USP24: variants seen among roughly 807,000 people sequenced by gnomAD.
The protein encoded by USP24 is ubiquitin carboxyl-terminal hydrolase 24.
Under a neutral mutation model 361.6 loss-of-function variants are expected in USP24, and 97 were observed. That is an observed-to-expected ratio of 0.27 (90% CI 0.23 to 0.32). USP24 has a LOEUF of 0.32. USP24 is among the 10% of genes least tolerant of loss of function. The pLI, the probability that USP24 is intolerant of heterozygous loss-of-function variation, is 1.00. For missense variants in USP24, 2,353 were observed against 3,165.6 expected (o/e 0.74, Z 6.16); for synonymous variants, 1,098 against 1,124.6 (o/e 0.98, Z 0.47).
Position 55,124,615 on chromosome 1 carries a change from C to T in USP24, c.3974G>A (p.Ser1325Asn), listed in dbSNP as rs1236218960. ...GCAAGCCACAGTAGAAGTGAAATCA[C>T]TTACTTCCATTGTCTAAAGAATGGA... ...ARVAIQTMEV[S>N]DFTSTVACFM... The change falls in exon 35 of 68, where the codon AGT becomes AAT. Residue 1325 changes from serine (S) to asparagine (N), a missense_variant. This residue lies in a region of USP24 where 949 missense variants were observed against 1,280.5 expected (regional missense o/e 0.74). Coordinates refer to ENST00000294383, the MANE Select transcript of USP24 (RefSeq NM_015306.3). 3 of 1,613,798 alleles carry T rather than the reference C, an allele frequency of 1.9e-6. No individual in the cohort carries two copies. The highest frequency in any genetic ancestry group is 2.5e-6 in the Non-Finnish European group (3 of 1,179,876).
intron 8 of USP24, among the ~76,000 whole-genome samples, chr1:55,161,037 C>G (rs1359902836): frequency 6.6e-6 from 1 of 152,036 alleles, no homozygotes; most frequent in African/African-American, 2.4e-5. Flanking sequence ...AAAACTCTTG[C>G]AGGATTACCT....
At chr1:55,136,127 G>T (rs991308582) in intron 28 of USP24, among the ~76,000 whole-genome samples, 1 of 152,058 alleles carries the variant, frequency 6.6e-6, no homozygotes, top group Admixed American at 6.6e-5. Context: ...GAAATACAGG[G>T]GTAGGAAAGA....
chr1:55,126,521 A>G (rs891099551), intron 32 of USP24, among the ~76,000 whole-genome samples: 1 of 152,114 alleles, frequency 6.6e-6, no homozygotes, highest in Non-Finnish European at 1.5e-5. Flanking sequence ...GGTCTAATCT[A>G]CTCACTGCTC....
chr1:55,152,068 T>C, intron 16 of USP24: 1 of 803,868 alleles, frequency 1.2e-6, no homozygotes, highest in South Asian at 5.7e-5. Context: ...GGCTTTGATC[T>C]TCCCACTGCC....
At chr1:55,121,082 G>T (rs1646267292) in intron 37 of USP24, among the ~76,000 whole-genome samples, 1 of 152,228 alleles carries the variant, frequency 6.6e-6, no homozygotes, top group Non-Finnish European at 1.5e-5. Context: ...AATATCTAAT[G>T]AAAGTTTATG....
chr1:55,085,734 G>A (rs1424412133), intron 56 of USP24, among the ~76,000 whole-genome samples: 1 of 152,182 alleles, frequency 6.6e-6, no homozygotes, highest in Non-Finnish European at 1.5e-5. Flanking sequence ...AAGCAGGCCT[G>A]AATTCCTGGC....
chr1:55,097,047 CT>C lies in USP24; in HGVS notation c.5840del (p.Lys1947ArgfsTer48). On this transcript the variant is annotated frameshift_variant, in exon 49 of 68. Transcript: ENST00000294383. LOFTEE classifies it high-confidence loss of function. ...DQGGGGSPRK[K>X]VALTENYELV... ...GTTCATAGTTTTCTGTGAGGGCAAC[CT>C]TTTTTCGTGGGGATCCTCCACCGCC... is the stretch of plus-strand genomic sequence containing the variant. The C allele has an allele frequency of 6.2e-7, 1 of 1,613,882 alleles. No individual in the cohort carries two copies. The highest frequency in any genetic ancestry group is 8.5e-7 in the Non-Finnish European group (1 of 1,179,874).
At chr1:55,202,156 T>G (rs912397589) in intron 1 of USP24, among the ~76,000 whole-genome samples, 2 of 152,216 alleles carry the variant, frequency 1.3e-5, no homozygotes, top group Non-Finnish European at 2.9e-5. Flanking sequence ...TTTGTATTCA[T>G]TAAAATATAT....
rs776603131 is a variant in USP24, at chr1:55,068,106, TTA to T, written c.*937_*938del. 7.9e-5 allele frequency: 12 copies of T among 152,238 alleles called. No homozygotes were observed. Among genetic ancestry groups the T allele is most frequent in the Non-Finnish European group, 1.5e-4 (10 of 68,040 alleles). 9.4% of individuals were successfully genotyped at this position (152,238 alleles called of 1,614,324 possible). A position where few individuals can be genotyped will look rare whatever the true frequency, so the allele number is the denominator to read the frequency against. ...CAACCAATACCAAGGGTTTCAGTAA[TTA>T]TGTTTTAAGCAAAAGCAAACGATTG... On this transcript the variant is annotated 3_prime_UTR_variant, in exon 68 of 68. Transcript: ENST00000294383.
At chr1:55,142,092 T>C (rs1360834886) in intron 23 of USP24, among the ~76,000 whole-genome samples, 1 of 152,220 alleles carries the variant, frequency 6.6e-6, no homozygotes, top group Non-Finnish European at 1.5e-5. Context: ...CCGTACATAT[T>C]CTAGCACATA....
intron 57 of USP24, 118 bp from the exon 58 acceptor site, chr1:55,083,482 C>T: frequency 1.0e-6 from 1 of 1,003,774 alleles, no homozygotes; most frequent in Non-Finnish European, 1.4e-6. Context: ...AATATTATTT[C>T]CATATAGAAA....
intron 32 of USP24, among the ~76,000 whole-genome samples, chr1:55,126,772 C>A (rs1646442607): frequency 6.6e-6 from 1 of 152,128 alleles, no homozygotes; most frequent in Non-Finnish European, 1.5e-5. Flanking sequence ...TCCCCTCGAC[C>A]TCCTCAAGGT....
chr1:55,092,682 G>T, intron 53 of USP24, 139 bp downstream of exon 53: 1 of 624,764 alleles, frequency 1.6e-6, no homozygotes, highest in Non-Finnish European at 2.7e-6. Context: ...CCCAATACGG[G>T]CTACATTCAC....
intron 1 of USP24, among the ~76,000 whole-genome samples, chr1:55,183,195 G>C (rs1644027396): frequency 6.6e-6 from 1 of 152,158 alleles, no homozygotes; most frequent in South Asian, 2.1e-4. Context: ...TTTAGTACTG[G>C]ATCAATGTTA....
At chr1:55,122,456 C>A (rs1646310018) in intron 36 of USP24, among the ~76,000 whole-genome samples, 1 of 152,116 alleles carries the variant, frequency 6.6e-6, no homozygotes, top group Non-Finnish European at 1.5e-5. Flanking sequence ...GCTTGGTGAA[C>A]TGAGAAGCCA....
chr1:55,185,588 T>A (rs1170344483), intron 1 of USP24, among the ~76,000 whole-genome samples: 1 of 152,002 alleles, frequency 6.6e-6, no homozygotes, highest in Non-Finnish European at 1.5e-5. Flanking sequence ...TGAGACAGAG[T>A]CTTGCTCTGT....
chr1:55,157,455 C>A, intron 10 of USP24, 85 bp from the exon 11 acceptor site: 2 of 764,516 alleles, frequency 2.6e-6, no homozygotes, highest in South Asian at 2.4e-5. Flanking sequence ...TACAATGTTA[C>A]AATGTGCTTC....
intron 39 of USP24, 123 bp from the exon 40 acceptor site, chr1:55,107,553 T>C (rs1197003213): frequency 1.9e-5 from 23 of 1,188,060 alleles, no homozygotes; most frequent in Non-Finnish European, 2.6e-5. Flanking sequence ...TTTAAAAAAC[T>C]ATCATTAAGG....
At chr1:55,186,244 A>G (rs1644127205) in intron 1 of USP24, among the ~76,000 whole-genome samples, 1 of 152,224 alleles carries the variant, frequency 6.6e-6, no homozygotes. Context: ...TTTCACATCT[A>G]TTAGTATGGT....
Sources: gnomAD v4.1 joint callset for allele counts (sites outside exome capture counted in the v4.1 genomes callset) on GRCh38, gnomAD v4.1.1 for gene constraint, gnomAD v4.1.1 regional missense constraint, MANE v1.5 for transcripts, NCBI Gene and HGNC (gene_info 2026-07-23, HGNC 2026-07-21) for gene names.